The following COPS7B variants were observed in gnomAD, a reference collection of about 807,000 sequenced individuals.
The protein encoded by COPS7B is COP9 signalosome subunit 7B, also known as COP9 signalosome complex subunit 7b.
Under a neutral mutation model 33.4 loss-of-function variants are expected in COPS7B, and 9 were observed. That is an observed-to-expected ratio of 0.27 (90% CI 0.16 to 0.47). The LOEUF (loss-of-function observed/expected upper bound fraction) is 0.47, where lower values mean the gene tolerates loss of function less well. Among genes scored for constraint, COPS7B ranks in the 20% least tolerant of loss-of-function variants. The pLI is 0.99. For synonymous variants in COPS7B, 119 were observed against 126.3 expected (o/e 0.94, Z 0.39); for missense variants, 242 against 318.2 (o/e 0.76, Z 1.82).
chr2:231,786,588 G>T (rs923340605), intron 1 of COPS7B, 50 bp downstream of exon 1: 1 of 901,232 alleles, frequency 1.1e-6, no homozygotes, highest in Non-Finnish European at 1.3e-6. Flanking sequence ...CTCCAGGCTC[G>T]GCCAGACGAT....
In COPS7B at chr2:231,796,002, G is replaced by A. The variant is rs536505292; in HGVS notation, c.328-104G>A. 571 of 878,938 alleles carry A rather than the reference G, an allele frequency of 6.5e-4. 1 individual carries two copies. Among genetic ancestry groups the A allele is most frequent in the Non-Finnish European group, 9.8e-4 (535 of 545,128 alleles). The allele number at this position is 878,938 out of a possible 1,614,324, so 54.4% of individuals were successfully genotyped here. ...CTATTAATAATTACCACTAGCCTGC[G>A]TTTCCCGAGCCTAGAGGCAGCTGTT... On this transcript the variant is annotated intron_variant, in intron 4 of 6. Coordinates refer to ENST00000350033, the MANE Select transcript of COPS7B (RefSeq NM_022730.4).
intron 6 of COPS7B, among the ~76,000 whole-genome samples, chr2:231,803,286 A>AC (rs2049799240): frequency 6.6e-6 from 1 of 151,884 alleles, no homozygotes; most frequent in South Asian, 2.1e-4. Context: ...AGGAGCGGTA[A>AC]CCCCCGGGGT....
intron 6 of COPS7B, among the ~76,000 whole-genome samples, chr2:231,803,456 C>T (rs1014505202): frequency 6.6e-6 from 1 of 152,080 alleles, no homozygotes; most frequent in Admixed American, 6.5e-5. Flanking sequence ...CCAAGTTTTT[C>T]CCTGGGCCAA....
intron 1 of COPS7B, among the ~76,000 whole-genome samples, chr2:231,787,379 AC>A (rs1433536778): frequency 6.6e-6 from 1 of 152,044 alleles, no homozygotes; most frequent in African/African-American, 2.4e-5. Flanking sequence ...ACTCTACTAT[AC>A]CGTTTTTCGT....
chr2:231,794,405 A>C, intron 4 of COPS7B, 54 bp downstream of exon 4: 38 of 1,402,012 alleles, frequency 2.7e-5, no homozygotes, highest in African/African-American at 4.2e-5. Context: ...CAGCTGTCTC[A>C]TTGACATCAA....
In COPS7B at chr2:231,801,170, G is replaced by A. The variant is rs1415034903; in HGVS notation, c.636+2206G>A. ...TTGTTTTCAGAGGGAAAAACGTGAT[G>A]TCCCCCTCCTGAATCTTATAACAAC... On this transcript the variant is annotated intron_variant, in intron 6 of 6. Transcript: ENST00000350033. The A allele has an allele frequency of 8.4e-6, 13 of 1,550,466 alleles. No individual in the cohort carries two copies. In the South Asian group the frequency reaches 1.4e-4, roughly 17 times the overall value.
At chr2:231,782,896 C>T (rs371331987), upstream of COPS7B, among the ~76,000 whole-genome samples, 1 of 152,020 alleles carries the variant, frequency 6.6e-6, no homozygotes, top group Non-Finnish European at 1.5e-5. Context: ...ACACCCCTGT[C>T]GCCACTACCC....
chr2:231,787,339 CAAACT>C (rs2049279224), intron 1 of COPS7B, among the ~76,000 whole-genome samples: 1 of 152,196 alleles, frequency 6.6e-6, no homozygotes, highest in South Asian at 2.1e-4. Flanking sequence ...CCTCTTGCAC[CAAACT>C]ATTCTTCAAA....
At chr2:231,792,142 A>T (rs1287463046) in intron 3 of COPS7B, 1 of 494,572 alleles carries the variant, frequency 2.0e-6, no homozygotes, top group African/African-American at 2.0e-5. Context: ...AACATTTTAA[A>T]TATTATCAAA....
intron 6 of COPS7B, among the ~76,000 whole-genome samples, chr2:231,799,485 GAAGA>G (rs2049679846): frequency 6.6e-6 from 1 of 152,336 alleles, no homozygotes; most frequent in Admixed American, 6.5e-5. Context: ...CATACGGAAA[GAAGA>G]AAGGGATAAA....
At chr2:231,790,843 A>G (rs1029252286) in intron 2 of COPS7B, 1 of 149,620 alleles carries the variant, frequency 6.7e-6, no homozygotes, top group African/African-American at 2.5e-5. Flanking sequence ...GGTTCACGCC[A>G]TTCTCCTGCC....
chr2:231,799,440 A>G (rs1339963718), intron 6 of COPS7B, among the ~76,000 whole-genome samples: 5 of 152,190 alleles, frequency 3.3e-5, no homozygotes, highest in African/African-American at 1.2e-4. Context: ...AACTGTACAT[A>G]TATATTATAA....
rs767555752 is a variant in COPS7B at position 231,794,288 on chromosome 2, G to A, written c.264G>A (p.Leu88=). 3.1e-6 allele frequency: 5 copies of A among 1,613,986 alleles called. No homozygotes were observed. The African/African-American group carries it at 6.7e-5, about 22-fold the overall frequency. The part of the protein sequence containing the change: ...YIANKESLPE[L]STAQQNKLKH... ...CCAACAAGGAGAGCCTGCCAGAACT[G>A]AGCACAGCTCAGCAGAACAAGCTGA... The change falls in exon 4 of 7, where the codon CTG becomes CTA. Residue 88 remains leucine, a synonymous_variant. Transcript: ENST00000350033.
At chr2:231,789,123 C>T (rs1056076824) in intron 2 of COPS7B, 4 of 179,448 alleles carry the variant, frequency 2.2e-5, no homozygotes, top group Admixed American at 1.6e-4. Context: ...AAACATACTG[C>T]TATTGAACAT....
chr2:231,804,311 G>A (rs552781908), intron 6 of COPS7B, among the ~76,000 whole-genome samples: 32 of 151,008 alleles, frequency 2.1e-4, no homozygotes, highest in African/African-American at 4.1e-4. Context: ...GCAGTGGCGC[G>A]ATCTTGGCTC....
At chr2:231,802,733 A>G (rs1169693963) in intron 6 of COPS7B, among the ~76,000 whole-genome samples, 1 of 152,248 alleles carries the variant, frequency 6.6e-6, no homozygotes, top group Admixed American at 6.5e-5. Flanking sequence ...TTGGAGTCCT[A>G]GAAGGAGCTG....
chr2:231,785,280 G>C (rs908667192), upstream of COPS7B, among the ~76,000 whole-genome samples: 2 of 152,216 alleles, frequency 1.3e-5, no homozygotes, highest in South Asian at 4.2e-4. Flanking sequence ...CCAGTACCTG[G>C]CATGTGGATT....
At chr2:231,800,601 A>G (rs1475702795) in intron 6 of COPS7B, among the ~76,000 whole-genome samples, 1 of 152,224 alleles carries the variant, frequency 6.6e-6, no homozygotes, top group Non-Finnish European at 1.5e-5. Context: ...GCACAGAGCT[A>G]TTGTAGACAC....
At chr2:231,801,119 CT>C in intron 6 of COPS7B, 1 of 1,550,040 alleles carries the variant, frequency 6.5e-7, no homozygotes, top group Non-Finnish European at 8.7e-7. Flanking sequence ...GTGATCTTTT[CT>C]TTATTTGTCC....
Sources: gnomAD v4.1 joint callset for allele counts (sites outside exome capture counted in the v4.1 genomes callset) on GRCh38, gnomAD v4.1.1 for gene constraint, MANE v1.5 for transcripts, NCBI Gene and HGNC (gene_info 2026-07-23, HGNC 2026-07-21) for gene names.